Variants in ACSM3 observed in about 807,000 individuals in gnomAD.
The protein encoded by ACSM3 is acyl-coenzyme A synthetase ACSM3, mitochondrial.
A neutral mutation model predicts 74.1 loss-of-function variants in ACSM3; 61 were observed. The ratio of observed to expected loss-of-function variants is 0.82; its 90% CI spans 0.67 to 1.02. ACSM3 has a LOEUF of 1.02. Ranked by LOEUF, ACSM3 falls within the 50% of genes least tolerant of loss-of-function variation. The pLI is 0.00. For synonymous variants in ACSM3, 213 were observed against 241.5 expected (o/e 0.88, Z 1.09); for missense variants, 660 against 697.0 (o/e 0.95, Z 0.60).
chr16:20,737,409 G>A, intron 1 of ACSM3: 1 of 989,946 alleles, frequency 1.0e-6, no homozygotes, highest in East Asian at 2.7e-5. Flanking sequence ...CTTCTATGTG[G>A]ACTTCAAATA....
chr16:20,680,355 G>A (rs1180668704), intron 1 of ACSM3: 1 of 152,152 alleles, frequency 6.6e-6, no homozygotes, highest in Non-Finnish European at 1.5e-5. Context: ...CATTCTATAA[G>A]CATTTGGATA....
At chr16:20,695,717 A>T (rs1250977376) in intron 1 of ACSM3, among the ~76,000 whole-genome samples, 1 of 152,138 alleles carries the variant, frequency 6.6e-6, no homozygotes, top group Non-Finnish European at 1.5e-5. Flanking sequence ...ATATATAAGA[A>T]CCTGATCTCC....
chr16:20,793,404 G>A (rs1446642300), intron 12 of ACSM3, among the ~76,000 whole-genome samples: 3 of 152,182 alleles, frequency 2.0e-5, no homozygotes, highest in Non-Finnish European at 4.4e-5. Flanking sequence ...GGGACGGGGA[G>A]GTTACAGTGA....
Sources: allele counts gnomAD v4.1 joint callset (sites outside exome capture counted in the v4.1 genomes callset), GRCh38; gene constraint gnomAD v4.1.1; transcripts MANE v1.5; gene names NCBI Gene and HGNC (gene_info 2026-07-23, HGNC 2026-07-21).